Variants in MAGEA1 observed in about 807,000 individuals in gnomAD.
MAGEA1 encodes the protein melanoma-associated antigen 1.
For missense variants in MAGEA1, 182 were observed against 233.7 expected (o/e 0.78, Z 1.44); for synonymous variants, 101 against 96.7 (o/e 1.04, Z -0.26).
In MAGEA1 at chrX:153,182,372, G is replaced by T. The variant is rs782412791; in HGVS notation, c.-18G>T. 1 of 1,197,809 alleles carries T rather than the reference G, an allele frequency of 8.3e-7. No homozygotes were observed. Among genetic ancestry groups the T allele is most frequent in the South Asian group, 1.8e-5 (1 of 56,566 alleles). The stretch of plus-strand genomic sequence containing the variant: ...GCTCCTGCCCACACTCCTGCCTGCT[G>T]CCCTGACGAGAGTCATCATGTCTCT... On this transcript the variant is annotated 5_prime_UTR_variant, in exon 3 of 3. Coordinates refer to ENST00000356661, the MANE Select transcript of MAGEA1 (RefSeq NM_004988.5).
Position 153,182,575 on chromosome X carries a change from C to A in MAGEA1, c.186C>A (p.Ser62=). 8.3e-7 allele frequency: 1 copy of A among 1,211,611 alleles called. No homozygotes were observed. The highest frequency in any genetic ancestry group is 1.1e-6 in the Non-Finnish European group (1 of 895,423). ...CTCCCCAGAGTCCTCAGGGAGCCTC[C>A]GCCTTTCCCACTACCATCAACTTCA... is the stretch of plus-strand genomic sequence containing the variant. ...TDPPQSPQGA[S]AFPTTINFTR... Residue 62 remains serine, a synonymous_variant, in exon 3 of 3, where the codon TCC becomes TCA. Transcript: ENST00000356661.
chrX:153,180,889 C>T (rs1254282799), intron 1 of MAGEA1, among the ~76,000 whole-genome samples: 1 of 111,386 alleles, frequency 9.0e-6, no homozygotes, highest in African/African-American at 3.3e-5. Flanking sequence ...ATCCATATGG[C>T]CCAAGATGTG....
Position 153,183,522 on chromosome X carries a change from GT to G in MAGEA1, c.*212del, listed in dbSNP as rs1417177792. The G allele has an allele frequency of 1.6e-4, 68 of 430,516 alleles. No individual in the cohort carries two copies. The highest frequency in any genetic ancestry group is 1.3e-3 in the Middle Eastern group (2 of 1,537). The allele number at this position is 430,516 out of a possible 1,213,427, so 35.5% of individuals were successfully genotyped here. On this transcript the variant is annotated 3_prime_UTR_variant, in exon 3 of 3. Coordinates refer to ENST00000356661, the MANE Select transcript of MAGEA1 (RefSeq NM_004988.5). Reference sequence around the variant, plus strand: ...TGTTCTCTTTTGGAATTGTTCAAATGTTTTTTTTTAAGGGATGGTTGAATGA... The same window carrying G: ...TGTTCTCTTTTGGAATTGTTCAAATGTTTTTTTTAAGGGATGGTTGAATGA...
chrX:153,182,441 G>A lies in MAGEA1; in HGVS notation c.52G>A (p.Ala18Thr). ...LHCKPEEALE[A>T]QQEALGLVCV... ...CTGCAAGCCTGAGGAAGCCCTTGAG[G>A]CCCAACAAGAGGCCCTGGGCCTGGT... The change falls in exon 3 of 3, where the codon GCC becomes ACC. Residue 18 changes from alanine to threonine, a missense_variant. Physicochemically the swap from Ala to Thr is moderately conservative, Grantham distance 58. Coordinates refer to ENST00000356661, the MANE Select transcript of MAGEA1 (RefSeq NM_004988.5). 1 of 1,210,931 alleles carries A rather than the reference G, an allele frequency of 8.3e-7. No homozygotes were observed. Among genetic ancestry groups the A allele is most frequent in the Non-Finnish European group, 1.1e-6 (1 of 895,169 alleles).
At chrX:153,181,376 T>G (rs1556943927) in intron 1 of MAGEA1, among the ~76,000 whole-genome samples, 1 of 111,389 alleles carries the variant, frequency 9.0e-6, no homozygotes, top group East Asian at 2.8e-4. Context: ...GAGGGAGGAC[T>G]GAGGGTACCC....
At position 153,182,832 on chromosome X, in the gene MAGEA1, C is replaced by G; in HGVS notation, c.443C>G (p.Ser148Cys). The change falls in exon 3 of 3, where the codon TCT becomes TGT. Residue 148 changes from serine (S) to cysteine (C), a missense_variant. Coordinates refer to ENST00000356661, the MANE Select transcript of MAGEA1 (RefSeq NM_004988.5). ...HCFPEIFGKA[S>C]ESLQLVFGID... ...TTTCCTGAGATCTTCGGCAAAGCCT[C>G]TGAGTCCTTGCAGCTGGTCTTTGGC... 8.3e-7 allele frequency: 1 copy of G among 1,212,116 alleles called. No individual in the cohort carries two copies. Among genetic ancestry groups the G allele is most frequent in the Non-Finnish European group, 1.1e-6 (1 of 895,610 alleles).
chrX:153,183,291 C>G lies in MAGEA1; in HGVS notation c.902C>G (p.Ala301Gly). 3 of 1,209,904 alleles carry G rather than the reference C, an allele frequency of 2.5e-6. No homozygotes were observed. Among genetic ancestry groups the G allele is most frequent in the Non-Finnish European group, 3.4e-6 (3 of 894,298 alleles). Residue 301 changes from alanine to glycine, a missense_variant, in exon 3 of 3, where the codon GCT becomes GGT. Coordinates refer to ENST00000356661, the MANE Select transcript of MAGEA1 (RefSeq NM_004988.5). ...TTCTTCCCATCCCTGCGTGAAGCAG[C>G]TTTGAGAGAGGAGGAAGAGGGAGTC... ...RFFFPSLREAALREEEEGV is the reference protein window; with the variant it reads ...RFFFPSLREAGLREEEEGV
At position 153,183,170 on chromosome X, in the gene MAGEA1, C is replaced by G; in HGVS notation, c.781C>G (p.Arg261Gly). 8.2e-7 allele frequency: 1 copy of G among 1,212,268 alleles called. No individual in the cohort carries two copies. Among genetic ancestry groups the G allele is most frequent in the Non-Finnish European group, 1.1e-6 (1 of 895,599 alleles). The change falls in exon 3 of 3, where the codon CGC (arginine) becomes GGC (glycine). Residue 261 changes from arginine (R) to glycine (G), a missense_variant. By Grantham distance (125) the Arg-to-Gly change is moderately radical. Coordinates refer to ENST00000356661, the MANE Select transcript of MAGEA1 (RefSeq NM_004988.5). Reference protein sequence around the residue: ...YRQVPDSDPARYEFLWGPRAL... With the variant: ...YRQVPDSDPAGYEFLWGPRAL... ...GCAGGTGCCGGACAGTGATCCCGCACGCTATGAGTTCCTGTGGGGTCCAAG... is the reference window on the plus strand; with the variant it reads ...GCAGGTGCCGGACAGTGATCCCGCAGGCTATGAGTTCCTGTGGGGTCCAAG...
intron 1 of MAGEA1, among the ~76,000 whole-genome samples, chrX:153,179,833 C>T (rs1602750056): frequency 1.8e-5 from 2 of 109,251 alleles, no homozygotes; most frequent in Non-Finnish European, 3.8e-5. Flanking sequence ...CCCAACCCCA[C>T]CCTCATCTCT....
chrX:153,180,677 C>A (rs2051488368), intron 1 of MAGEA1, among the ~76,000 whole-genome samples: 1 of 111,751 alleles, frequency 8.9e-6, no homozygotes, highest in African/African-American at 3.3e-5. Context: ...GGGGGTGGGA[C>A]CCAGGCCTGC....
intron 1 of MAGEA1, among the ~76,000 whole-genome samples, chrX:153,181,089 C>T (rs1310043575): frequency 9.1e-6 from 1 of 109,404 alleles, no homozygotes; most frequent in Non-Finnish European, 1.9e-5. Flanking sequence ...GGGGGGATGT[C>T]TACTCATGTC....
Position 153,183,142 on chromosome X carries a change from C to T in MAGEA1, c.753C>T (p.Tyr251=), listed in dbSNP as rs868950805. 6.6e-6 allele frequency: 8 copies of T among 1,210,752 alleles called. No individual in the cohort carries two copies. The South Asian group carries it at 1.4e-4, about 21-fold the overall frequency. ...TGGTGCAGGAAAAGTACCTGGAGTA[C>T]CGGCAGGTGCCGGACAGTGATCCCG... ...QDLVQEKYLE[Y]RQVPDSDPAR... Residue 251 remains tyrosine, a synonymous_variant, in exon 3 of 3, where the codon TAC becomes TAT. Coordinates refer to ENST00000356661, the MANE Select transcript of MAGEA1 (RefSeq NM_004988.5).
In MAGEA1 at chrX:153,182,618, A is replaced by G. The variant is rs1556944112; in HGVS notation, c.229A>G (p.Ser77Gly). The G allele has an allele frequency of 1.7e-6, 2 of 1,209,235 alleles. No homozygotes were observed. The highest frequency in any genetic ancestry group is 3.5e-5 in the African/African-American group (2 of 57,118). Reference sequence around the variant, plus strand: ...CAACTTCACTCGACAGAGGCAACCCAGTGAGGGTTCCAGCAGCCGTGAAGA... The same window carrying G: ...CAACTTCACTCGACAGAGGCAACCCGGTGAGGGTTCCAGCAGCCGTGAAGA... Reference protein sequence around the residue: ...TINFTRQRQPSEGSSSREEEG... With the variant: ...TINFTRQRQPGEGSSSREEEG... The change falls in exon 3 of 3, where the codon AGT (serine) becomes GGT (glycine). Residue 77 changes from serine to glycine, a missense_variant. Transcript: ENST00000356661.
chrX:153,182,787 T>A lies in MAGEA1; in HGVS notation c.398T>A (p.Ile133Asn). Reference protein sequence around the residue: ...VTKAEMLESVIKNYKHCFPEI... With the variant: ...VTKAEMLESVNKNYKHCFPEI... Reference sequence around the variant, plus strand: ...AAGGCAGAAATGCTGGAGAGTGTCATCAAAAATTACAAGCACTGTTTTCCT... The same window carrying A: ...AAGGCAGAAATGCTGGAGAGTGTCAACAAAAATTACAAGCACTGTTTTCCT... Residue 133 changes from isoleucine (I) to asparagine (N), a missense_variant, in exon 3 of 3, where the codon ATC becomes AAC. By Grantham distance (149) the Ile-to-Asn change is moderately radical. Coordinates refer to ENST00000356661, the MANE Select transcript of MAGEA1 (RefSeq NM_004988.5). 8.3e-7 allele frequency: 1 copy of A among 1,211,685 alleles called. No homozygotes were observed. The highest frequency in any genetic ancestry group is 1.1e-6 in the Non-Finnish European group (1 of 895,499).
At chrX:153,181,799 C>A (rs1182539597) in intron 1 of MAGEA1, among the ~76,000 whole-genome samples, 1 of 111,359 alleles carries the variant, frequency 9.0e-6, no homozygotes, top group Non-Finnish European at 1.9e-5. Context: ...TATAAGGGCC[C>A]TGCGTGAGAA....
chrX:153,179,855 C>T (rs1175156933), intron 1 of MAGEA1, among the ~76,000 whole-genome samples: 1 of 109,680 alleles, frequency 9.1e-6, no homozygotes, highest in East Asian at 2.9e-4. Context: ...TCATGTGCCC[C>T]ACTCCCATCG....
At position 153,183,711 on chromosome X, in the gene MAGEA1, C is replaced by T; in HGVS notation, c.*392C>T. ...AGTACTTAGAAATGTGAAAAATGAGCAGTAAAATAGATGAGATAAAGAACT... is the reference window on the plus strand; with the variant it reads ...AGTACTTAGAAATGTGAAAAATGAGTAGTAAAATAGATGAGATAAAGAACT... On this transcript the variant is annotated 3_prime_UTR_variant, in exon 3 of 3. Transcript: ENST00000356661. 6.4e-6 allele frequency: 1 copy of T among 156,146 alleles called. No homozygotes were observed. Among genetic ancestry groups the T allele is most frequent in the African/African-American group, 3.1e-5 (1 of 32,384 alleles). The allele number at this position is 156,146 out of a possible 1,213,427, so 12.9% of individuals were successfully genotyped here.
At chrX:153,180,347 T>C (rs1202620794) in intron 1 of MAGEA1, among the ~76,000 whole-genome samples, 1 of 111,000 alleles carries the variant, frequency 9.0e-6, no homozygotes, top group African/African-American at 3.3e-5. Context: ...CACCCACACC[T>C]GTCTCCTCAT....
At chrX:153,180,527 G>A (rs2051487494) in intron 1 of MAGEA1, among the ~76,000 whole-genome samples, 1 of 111,679 alleles carries the variant, frequency 9.0e-6, no homozygotes, top group African/African-American at 3.3e-5. Context: ...CAGGGCCTCA[G>A]GGGAGCAGAG....
Sources: gnomAD v4.1 joint callset for allele counts (sites outside exome capture counted in the v4.1 genomes callset) on GRCh38, gnomAD v4.1.1 for gene constraint, MANE v1.5 for transcripts, NCBI Gene and HGNC (gene_info 2026-07-23, HGNC 2026-07-21) for gene names.